RBFOX1: variants seen among roughly 807,000 people sequenced by gnomAD.
RBFOX1 encodes the protein RNA binding fox-1 homolog 1.
RBFOX1 carries 8 observed loss-of-function variants against 57.7 expected under a neutral mutation model. The observed-to-expected ratio is 0.14, with a 90% confidence interval of 0.08 to 0.25. The LOEUF (loss-of-function observed/expected upper bound fraction) is 0.25, where lower values mean the gene tolerates loss of function less well. Among genes scored for constraint, RBFOX1 ranks in the 10% least tolerant of loss-of-function variants. The pLI is 1.00. For missense variants in RBFOX1, 611 were observed against 548.5 expected, an observed-to-expected ratio of 1.11 and a Z score of -1.14; for synonymous variants, 326 against 222.4, an observed-to-expected ratio of 1.47 and a Z score of -4.15.
chr16:7,578,291 A>G (rs1418869161), intron 5 of RBFOX1, among the ~76,000 whole-genome samples: 1 of 152,198 alleles, frequency 6.6e-6, no homozygotes, highest in Non-Finnish European at 1.5e-5. Context: ...TTCCTATTCA[A>G]TCCAACAGTA....
intron 3 of RBFOX1, among the ~76,000 whole-genome samples, chr16:6,888,548 C>T (rs13330385): frequency 0.011 from 1,634 of 152,090 alleles, 26 homozygotes; most frequent in African/African-American, 0.038. Flanking sequence ...ATTGTTTTTA[C>T]TTGCTGTTTG....
At chr16:7,417,266 A>C (rs761735768) in intron 4 of RBFOX1, among the ~76,000 whole-genome samples, 35 of 151,450 alleles carry the variant, frequency 2.3e-4, no homozygotes, top group Non-Finnish European at 4.7e-4. Context: ...ACAGCTACTT[A>C]GGAAACTGAG....
intron 2 of RBFOX1, among the ~76,000 whole-genome samples, chr16:6,375,838 G>T (rs1019318470): frequency 6.6e-6 from 1 of 152,082 alleles, no homozygotes; most frequent in Non-Finnish European, 1.5e-5. Context: ...CCTGTCCCCT[G>T]CATAAACAAT....
chr16:6,759,165 T>C (rs922898483), intron 3 of RBFOX1, among the ~76,000 whole-genome samples: 13 of 151,588 alleles, frequency 8.6e-5, no homozygotes, highest in Non-Finnish European at 1.6e-4. Context: ...TTTTTTTCTT[T>C]TGTGAGACAG....
intron 1 of RBFOX1, among the ~76,000 whole-genome samples, chr16:5,339,132 T>C (rs972531417): frequency 7.2e-5 from 11 of 152,124 alleles, no homozygotes; most frequent in African/African-American, 2.2e-4. Context: ...AGCTGAAATG[T>C]TGTGTCCTTT....
chr16:6,995,918 A>G (rs9939165), intron 3 of RBFOX1, among the ~76,000 whole-genome samples: 13,205 of 152,220 alleles, frequency 0.087, 841 homozygotes, highest in African/African-American at 0.18. Context: ...TAGAAAGCAT[A>G]TATAGGAAAA....
chr16:6,882,563 T>C (rs2063169009), intron 3 of RBFOX1, among the ~76,000 whole-genome samples: 1 of 152,102 alleles, frequency 6.6e-6, no homozygotes, highest in African/African-American at 2.4e-5. Context: ...ACCACTGCAC[T>C]GCAGCCTCGG....
chr16:5,619,127 C>T (rs1321525326), intron 3 of RBFOX1, among the ~76,000 whole-genome samples: 5 of 152,182 alleles, frequency 3.3e-5, no homozygotes. Context: ...GAAAATTGTC[C>T]ATTTTACAAG....
chr16:6,262,787 G>A (rs2097709065), intron 1 of RBFOX1, among the ~76,000 whole-genome samples: 2 of 152,108 alleles, frequency 1.3e-5, no homozygotes, highest in Non-Finnish European at 2.9e-5. Context: ...TGCAACCTCA[G>A]TGCTCCTTTA....
At position 6,437,566 on chromosome 16, in the gene RBFOX1, G is replaced by A. The variant is rs149516589; in HGVS notation, c.-64+120509G>A. The stretch of plus-strand genomic sequence containing the variant: ...CAGTCATTTCTAATAGATGGTGTGT[G>A]TATTAGTCCATTGCTACACTGCTAT... On this transcript the variant is annotated intron_variant, in intron 2 of 15. Transcript: ENST00000550418. 4.3e-3 allele frequency among the ~76,000 whole-genome samples: 655 copies of A among 152,274 alleles called. 8 individuals are homozygous for A. The highest frequency in any genetic ancestry group is 4.4e-3 in the Admixed American group (68 of 15,294).
intron 4 of RBFOX1, among the ~76,000 whole-genome samples, chr16:7,295,265 CA>C (rs1473236785): frequency 2.0e-5 from 3 of 152,080 alleles, no homozygotes; most frequent in Non-Finnish European, 4.4e-5. Flanking sequence ...AGTGCCATGT[CA>C]TTTAAAAAAA....
intron 3 of RBFOX1, among the ~76,000 whole-genome samples, chr16:5,700,057 C>G (rs1047857974): frequency 6.6e-6 from 1 of 152,136 alleles, no homozygotes; most frequent in African/African-American, 2.4e-5. Flanking sequence ...TGGTTTCGAT[C>G]TCCTGACCTC....
intron 2 of RBFOX1, among the ~76,000 whole-genome samples, chr16:5,487,754 A>T (rs917789066): frequency 6.6e-6 from 1 of 152,156 alleles, no homozygotes; most frequent in African/African-American, 2.4e-5. Flanking sequence ...GCTTGCCCTC[A>T]GTATGCTCTG....
intron 2 of RBFOX1, among the ~76,000 whole-genome samples, chr16:6,536,965 A>G (rs2096743739): frequency 6.6e-6 from 1 of 152,182 alleles, no homozygotes; most frequent in Non-Finnish European, 1.5e-5. Flanking sequence ...CTACTAGTCT[A>G]AGGGGATTCC....
chr16:5,816,263 C>G (rs954900890), intron 3 of RBFOX1, among the ~76,000 whole-genome samples: 1 of 152,160 alleles, frequency 6.6e-6, no homozygotes, highest in Non-Finnish European at 1.5e-5. Flanking sequence ...GCTACCTATT[C>G]CTTCAAGCTC....
At chr16:7,410,648 G>C (rs577029819) in intron 4 of RBFOX1, among the ~76,000 whole-genome samples, 8 of 152,088 alleles carry the variant, frequency 5.3e-5, no homozygotes, top group Non-Finnish European at 1.0e-4. Context: ...TTGCACTCCA[G>C]CCTGGACAAC....
intron 2 of RBFOX1, among the ~76,000 whole-genome samples, chr16:5,587,440 C>T (rs372722815): frequency 1.1e-4 from 16 of 152,304 alleles, no homozygotes; most frequent in East Asian, 3.9e-4. Flanking sequence ...GGGCCTGGTG[C>T]GGTCGCTCAC....
At position 7,316,772 on chromosome 16, in the gene RBFOX1, G is replaced by T. The variant is rs985399135; in HGVS notation, c.28-201375G>T. On this transcript the variant is annotated intron_variant, in intron 4 of 15. Transcript: ENST00000550418. ...GAGGTGGGGTCAGGGTGGAAGAGAG[G>T]ATTCACACTAAGGCATAGAGTGTGT... Among the ~76,000 whole-genome samples, 5 of 152,084 alleles carry T rather than the reference G, an allele frequency of 3.3e-5. No individual in the cohort carries two copies. In the South Asian group the frequency reaches 1.0e-3, roughly 32 times the overall value.
intron 5 of RBFOX1, among the ~76,000 whole-genome samples, chr16:7,566,385 G>A (rs2091693399): frequency 6.6e-6 from 1 of 152,106 alleles, no homozygotes; most frequent in Non-Finnish European, 1.5e-5. Context: ...CTGTCTATAT[G>A]TACTTTGCAG....
Sources: gnomAD v4.1 joint callset for allele counts (sites outside exome capture counted in the v4.1 genomes callset) on GRCh38, gnomAD v4.1.1 for gene constraint, MANE v1.5 for transcripts, NCBI Gene and HGNC (gene_info 2026-07-23, HGNC 2026-07-21) for gene names.